The following NEK11 variants were observed in gnomAD, a reference collection of about 807,000 sequenced individuals.
NEK11 encodes the protein serine/threonine-protein kinase Nek11.
Under a neutral mutation model 80.7 loss-of-function variants are expected in NEK11, and 72 were observed. That is an observed-to-expected ratio of 0.89 (90% CI 0.74 to 1.08). The LOEUF is 1.08. Ranked by LOEUF, NEK11 falls within the 50% of genes least tolerant of loss-of-function variation. The probability of loss-of-function intolerance (pLI) is 0.00; values close to 1 mark genes in which losing one functional copy is unlikely to be tolerated. For missense variants in NEK11, 764 were observed against 763.6 expected, an observed-to-expected ratio of 1.00 and a Z score of -0.01; for synonymous variants, 251 against 260.7, an observed-to-expected ratio of 0.96 and a Z score of 0.36.
intron 17 of NEK11, among the ~76,000 whole-genome samples, chr3:131,305,622 C>T (rs2096715534): frequency 6.6e-6 from 1 of 152,186 alleles, no homozygotes; most frequent in Non-Finnish European, 1.5e-5. Flanking sequence ...TGGCTCTGCA[C>T]AGGCTGGAAT....
intron 14 of NEK11, among the ~76,000 whole-genome samples, chr3:131,185,915 T>C (rs557685699): frequency 6.6e-6 from 1 of 152,292 alleles, no homozygotes; most frequent in South Asian, 2.1e-4. Context: ...TTACCAACTA[T>C]GTGGACCTGG....
intron 3 of NEK11, among the ~76,000 whole-genome samples, chr3:131,074,872 T>A (rs1005047639): frequency 2.6e-4 from 40 of 152,326 alleles, no homozygotes; most frequent in African/African-American, 9.6e-4. Flanking sequence ...ATTTATATAC[T>A]TGTTGGCCTC....
At chr3:131,152,288 C>A in intron 7 of NEK11, 100 bp from the exon 8 acceptor site, 1 of 944,104 alleles carries the variant, frequency 1.1e-6, no homozygotes, top group Non-Finnish European at 1.6e-6. Context: ...TATGTTTGTG[C>A]CTCACAGCCA....
Position 131,349,814 on chromosome 3 carries a change from A to G in NEK11, c.*38A>G, listed in dbSNP as rs779980769. ...AAGAAGCAGAAGTTCAAGTGGACAA[A>G]TTTATGTGAAAATTCATTTAACATA... On this transcript the variant is annotated 3_prime_UTR_variant, in exon 18 of 18. Transcript: ENST00000383366. 3.4e-6 allele frequency: 5 copies of G among 1,479,614 alleles called. No individual in the cohort carries two copies. In the South Asian group the frequency reaches 5.7e-5, roughly 17 times the overall value. 91.7% of individuals were successfully genotyped at this position (1,479,614 alleles called of 1,614,324 possible). A position where few individuals can be genotyped will look rare whatever the true frequency, so the allele number is the denominator to read the frequency against.
intron 14 of NEK11, among the ~76,000 whole-genome samples, chr3:131,171,767 G>C (rs1348831955): frequency 6.6e-6 from 1 of 152,142 alleles, no homozygotes; most frequent in African/African-American, 2.4e-5. Flanking sequence ...TATCAATATA[G>C]GTGTCTTCTC....
intron 5 of NEK11, among the ~76,000 whole-genome samples, chr3:131,110,727 A>T (rs193225304): frequency 1.3e-3 from 204 of 152,288 alleles, no homozygotes; most frequent in Non-Finnish European, 2.2e-3. Context: ...GGGGTAATTT[A>T]TAAAGCACAC....
intron 4 of NEK11, among the ~76,000 whole-genome samples, chr3:131,105,500 GA>G (rs1374192216): frequency 1.3e-5 from 2 of 152,194 alleles, no homozygotes; most frequent in Non-Finnish European, 2.9e-5. Flanking sequence ...ATTTATAAAG[GA>G]AAGAGGTTTA....
At chr3:131,289,202 T>C (rs2096516544) in intron 17 of NEK11, among the ~76,000 whole-genome samples, 1 of 152,220 alleles carries the variant, frequency 6.6e-6, no homozygotes, top group Non-Finnish European at 1.5e-5. Context: ...ATATGTCCTT[T>C]TTTCTGTGTG....
intron 3 of NEK11, among the ~76,000 whole-genome samples, chr3:131,032,896 A>G (rs1001695875): frequency 6.6e-6 from 1 of 152,242 alleles, no homozygotes; most frequent in African/African-American, 2.4e-5. Context: ...AGAAAACTTT[A>G]GCTAATTACC....
At chr3:131,034,678 C>T (rs554387136) in intron 3 of NEK11, among the ~76,000 whole-genome samples, 1 of 152,286 alleles carries the variant, frequency 6.6e-6, no homozygotes, top group African/African-American at 2.4e-5. Flanking sequence ...TGAGCCACCG[C>T]GCCCGGCCAC....
chr3:131,055,695 G>A (rs75283682), intron 3 of NEK11, among the ~76,000 whole-genome samples: 60 of 152,224 alleles, frequency 3.9e-4, no homozygotes, highest in Admixed American at 2.5e-3. Context: ...GCACCACTGC[G>A]CTCCAACCCA....
intron 4 of NEK11, among the ~76,000 whole-genome samples, chr3:131,101,961 A>T (rs2078428881): frequency 6.6e-6 from 1 of 152,204 alleles, no homozygotes; most frequent in African/African-American, 2.4e-5. Flanking sequence ...TTAAGCCTTT[A>T]TCATTATGTA....
At position 131,062,810 on chromosome 3, in the gene NEK11, C is replaced by G. The variant is rs149111192; in HGVS notation, c.171-17613C>G. 2.3e-3 allele frequency among the ~76,000 whole-genome samples: 347 copies of G among 152,260 alleles called. 1 individual carries two copies. Among genetic ancestry groups the G allele is most frequent in the African/African-American group, 7.8e-3 (326 of 41,544 alleles). On this transcript the variant is annotated intron_variant, in intron 3 of 17. Transcript: ENST00000383366. ...GACTGTCAAGGAGGAAAGGAACCAC[C>G]ACATCATCTCCTCTATTCTGGCCAG...
chr3:131,083,144 G>C (rs936746935), intron 4 of NEK11, among the ~76,000 whole-genome samples: 1 of 152,206 alleles, frequency 6.6e-6, no homozygotes, highest in Non-Finnish European at 1.5e-5. Context: ...GTTTTGACAA[G>C]CCTGCCAAAT....
chr3:131,203,688 ATATATATATG>A (rs2150407596), intron 14 of NEK11, among the ~76,000 whole-genome samples: 1 of 135,972 alleles, frequency 7.4e-6, no homozygotes, highest in African/African-American at 2.9e-5. Flanking sequence ...CATAAAGTTC[ATATATATATG>A]TATATATGTA....
At chr3:131,141,312 G>T (rs1307546461) in intron 7 of NEK11, among the ~76,000 whole-genome samples, 1 of 152,146 alleles carries the variant, frequency 6.6e-6, no homozygotes, top group Non-Finnish European at 1.5e-5. Flanking sequence ...GGGGTAGAGA[G>T]CATCAGCTAC....
At chr3:131,199,928 T>C (rs1350024505) in intron 14 of NEK11, among the ~76,000 whole-genome samples, 2 of 152,098 alleles carry the variant, frequency 1.3e-5, no homozygotes, top group Admixed American at 6.6e-5. Context: ...TTAACTGAAG[T>C]CTCAGAGAGA....
At chr3:131,089,420 A>G (rs1320364802) in intron 4 of NEK11, among the ~76,000 whole-genome samples, 1 of 152,028 alleles carries the variant, frequency 6.6e-6, no homozygotes, top group African/African-American at 2.4e-5. Context: ...TGAATTAATA[A>G]GGGAAGCTTT....
chr3:131,187,710 T>C (rs1210013114), intron 14 of NEK11, among the ~76,000 whole-genome samples: 4 of 152,192 alleles, frequency 2.6e-5, no homozygotes, highest in Non-Finnish European at 5.9e-5. Context: ...GGTGTTTTGG[T>C]TGAAGTCCTA....
Sources: allele counts gnomAD v4.1 joint callset (sites outside exome capture counted in the v4.1 genomes callset), GRCh38; gene constraint gnomAD v4.1.1; transcripts MANE v1.5; gene names NCBI Gene and HGNC (gene_info 2026-07-23, HGNC 2026-07-21).